ACAD8: variants seen among roughly 807,000 people sequenced by gnomAD.
The protein encoded by ACAD8 is acyl-CoA dehydrogenase family member 8, also known as isobutyryl-CoA dehydrogenase, mitochondrial.
ACAD8 carries 47 observed loss-of-function variants against 53.1 expected under a neutral mutation model. That is an observed-to-expected ratio of 0.89 (90% confidence interval 0.70 to 1.13). The LOEUF (loss-of-function observed/expected upper bound fraction) is 1.13, where lower values mean the gene tolerates loss of function less well. Ranked by LOEUF, ACAD8 falls within the 50% of genes most tolerant of loss-of-function variation. The probability of loss-of-function intolerance (pLI) is 0.00; values close to 1 mark genes in which losing one functional copy is unlikely to be tolerated. For synonymous variants in ACAD8, 198 were observed against 201.3 expected, an observed-to-expected ratio of 0.98 and a Z score of 0.14; for missense variants, 494 against 535.0, an observed-to-expected ratio of 0.92 and a Z score of 0.76.
rs376919619 is a variant in ACAD8, at chr11:134,261,039, G to A, written c.706-5G>A. On this transcript the variant is annotated splice_region_variant and splice_polypyrimidine_tract_variant and intron_variant, in intron 6 of 10. Coordinates refer to ENST00000281182, the MANE Select transcript of ACAD8 (RefSeq NM_014384.3). The surrounding 1 kb of genome is among the most constrained non-coding windows in gnomAD (Gnocchi z 4.2). ...GGCAACCACGCAGTCCCTGATTTTT[G>A]CCAGGTGGGGTGGAACTCCCAGCCA... The A allele has an allele frequency of 3.6e-5, 58 of 1,611,934 alleles. No individual in the cohort carries two copies. Among genetic ancestry groups the A allele is most frequent in the East Asian group, 8.9e-5 (4 of 44,812 alleles).
chr11:134,260,115 G>T, intron 6 of ACAD8: 1 of 1,177,450 alleles, frequency 8.5e-7, no homozygotes, highest in Non-Finnish European at 1.1e-6. Context: ...AATGGAAGGC[G>T]TGTGGTCCCT....
chr11:134,260,917 C>T (rs1308190812), intron 6 of ACAD8, 127 bp from the exon 7 acceptor site: 5 of 1,110,780 alleles, frequency 4.5e-6, no homozygotes, highest in Admixed American at 4.1e-5. Flanking sequence ...TCTTTTTCCT[C>T]ATTTTAAGTT....
At chr11:134,263,670 T>A (rs1271275986) in intron 10 of ACAD8, 2 of 985,370 alleles carry the variant, frequency 2.0e-6, no homozygotes, top group East Asian at 1.1e-4. Context: ...CTCTTGGAAT[T>A]GCTTTCTCAC....
Position 134,259,609 on chromosome 11 carries a change from C to T in ACAD8, c.569C>T (p.Ala190Val), listed in dbSNP as rs1285533961. 6.2e-7 allele frequency: 1 copy of T among 1,614,160 alleles called. No homozygotes were observed. Among genetic ancestry groups the T allele is most frequent in the East Asian group, 2.2e-5 (1 of 44,880 alleles). Residue 190 changes from alanine to valine, a missense_variant and splice_region_variant, in exon 6 of 11, where the codon GCC becomes GTC. By Grantham distance (64) the Ala-to-Val change is moderately conservative (BLOSUM62 0). Transcript: ENST00000281182. Reference sequence around the variant, plus strand: ...TTTGCACCCCTTTTACCCCCACAGGCCTTCATCAGTGGTGCTGGTGAGTCA... The same window carrying T: ...TTTGCACCCCTTTTACCCCCACAGGTCTTCATCAGTGGTGCTGGTGAGTCA... ...GDHYILNGSK[A>V]FISGAGESDI...
At chr11:134,255,069 A>G (rs1207070048) in intron 1 of ACAD8, among the ~76,000 whole-genome samples, 1 of 152,234 alleles carries the variant, frequency 6.6e-6, no homozygotes, top group Non-Finnish European at 1.5e-5. Flanking sequence ...TTACAGAAGA[A>G]GAAGATTTGT....
rs1939844598 is a variant in ACAD8 at position 134,261,089 on chromosome 11, T to C, written c.751T>C (p.Cys251Arg). The C allele has an allele frequency of 6.2e-7, 1 of 1,612,298 alleles. No homozygotes were observed. Residue 251 changes from cysteine (C) to arginine (R), a missense_variant, in exon 7 of 11, where the codon TGT becomes CGT. Physicochemically the swap from Cys to Arg is radical, Grantham distance 180 (BLOSUM62 -3). Transcript: ENST00000281182. This position sits in a 1 kb window ranked among gnomAD's most constrained non-coding sequence, Gnocchi z 4.2. ...QPTRAVIFED[C>R]AVPVANRIGS... The stretch of plus-strand genomic sequence containing the variant: ...AACACGAGCTGTGATCTTCGAAGAC[T>C]GTGCTGTCCCTGTGGCCAACAGAAT...
rs1035628677 is a variant in ACAD8, at chr11:134,259,001, T to C, written c.491-7T>C. ...CTTCTCTCTGCTGCCTTTTGATCCC[T>C]CCTCAGGAAGTGGGAGTGATGCTGC... On this transcript the variant is annotated splice_region_variant and splice_polypyrimidine_tract_variant and intron_variant, in intron 4 of 10. Transcript: ENST00000281182. 16 of 1,613,530 alleles carry C rather than the reference T, an allele frequency of 9.9e-6. No homozygotes were observed. Among genetic ancestry groups the C allele is most frequent in the Non-Finnish European group, 1.2e-5 (14 of 1,179,598 alleles).
intron 3 of ACAD8, 40 bp downstream of exon 3, chr11:134,257,297 T>G (rs1939594752): frequency 1.2e-6 from 2 of 1,607,930 alleles, no homozygotes; most frequent in East Asian, 4.5e-5. Flanking sequence ...AAGTGCTCAC[T>G]CGGGCTGACT....
chr11:134,258,664 A>T (rs1269704285), intron 4 of ACAD8, 40 bp downstream of exon 4: 2 of 1,418,528 alleles, frequency 1.4e-6, no homozygotes, highest in South Asian at 1.2e-5. Context: ...GCAGGGAGAG[A>T]TGCTTCCTGC....
chr11:134,262,227 G>A (rs914816965), intron 9 of ACAD8: 1 of 649,284 alleles, frequency 1.5e-6, no homozygotes, highest in Non-Finnish European at 2.8e-6. Flanking sequence ...GGGAACCATA[G>A]CTTTTTATCA....
chr11:134,256,512 C>A, intron 1 of ACAD8, 36 bp from the exon 2 acceptor site: 3 of 1,570,356 alleles, frequency 1.9e-6, no homozygotes, highest in Non-Finnish European at 2.6e-6. Context: ...CAACACTGAC[C>A]CTGTCCTAGA....
At chr11:134,255,920 T>C (rs1477276947) in intron 1 of ACAD8, among the ~76,000 whole-genome samples, 2 of 152,184 alleles carry the variant, frequency 1.3e-5, no homozygotes, top group East Asian at 3.8e-4. Context: ...TTTTTTCTTC[T>C]TTTGAAACAG....
rs2136083492 is a variant in ACAD8, at chr11:134,261,856, T to C, written c.1058T>C (p.Met353Thr). 4 of 1,614,206 alleles carry C rather than the reference T, an allele frequency of 2.5e-6. No homozygotes were observed. Among genetic ancestry groups the C allele is most frequent in the Non-Finnish European group, 3.4e-6 (4 of 1,180,042 alleles). ...ERKDAVALCS[M>T]AKLFATDECF... ...AAGGATGCAGTGGCCTTGTGCTCCA[T>C]GGCCAAGCTCTTTGCTACAGATGAA... Residue 353 changes from methionine (M) to threonine (T), a missense_variant, in exon 9 of 11, where the codon ATG (methionine) becomes ACG (threonine). Transcript: ENST00000281182. The surrounding 1 kb of genome is among the most constrained non-coding windows in gnomAD (Gnocchi z 4.2).
At chr11:134,260,961 T>C in intron 6 of ACAD8, 83 bp from the exon 7 acceptor site, 1 of 1,538,408 alleles carries the variant, frequency 6.5e-7, no homozygotes, top group Non-Finnish European at 8.9e-7. Context: ...CTGAAACCCA[T>C]ACCTCACAGG....
At chr11:134,263,248 G>A (rs1304992125) in intron 10 of ACAD8, 1 of 1,007,196 alleles carries the variant, frequency 9.9e-7, no homozygotes, top group East Asian at 1.0e-4. Context: ...AGGAGGGGCA[G>A]AGGCTTCTTT....
At chr11:134,258,870 G>A in intron 4 of ACAD8, 138 bp from the exon 5 acceptor site, 3 of 837,834 alleles carry the variant, frequency 3.6e-6, no homozygotes, top group African/African-American at 1.7e-5. Context: ...AGTTCCTTTG[G>A]CCACTTGGGT....
At position 134,256,621 on chromosome 11, in the gene ACAD8, T is replaced by C. The variant is rs778830761; in HGVS notation, c.183T>C (p.Ala61=). ...TTGACTTTGCTGCCCGAGAGATGGC[T>C]CCAAATATGGCAGAGTGGGACCAGA... The part of the protein sequence containing the change: ...VAFDFAAREM[A]PNMAEWDQKE... Residue 61 remains alanine (A), a synonymous_variant, in exon 2 of 11, where the codon GCT becomes GCC. Transcript: ENST00000281182. The C allele has an allele frequency of 9.9e-6, 16 of 1,614,210 alleles. No individual in the cohort carries two copies. The highest frequency in any genetic ancestry group is 1.3e-5 in the Non-Finnish European group (15 of 1,180,038).
At position 134,256,782 on chromosome 11, in the gene ACAD8, A is replaced by T. The variant is rs1939554644; in HGVS notation, c.210+134A>T. On this transcript the variant is annotated intron_variant, in intron 2 of 10. Transcript: ENST00000281182. Reference sequence around the variant, plus strand: ...TCTTACTGCAAGTGAGAATACCGGTAGTGGATGATTTTTCCTAGAAGGCAT... The same window carrying T: ...TCTTACTGCAAGTGAGAATACCGGTTGTGGATGATTTTTCCTAGAAGGCAT... 4 of 820,296 alleles carry T rather than the reference A, an allele frequency of 4.9e-6. No individual in the cohort carries two copies. The East Asian group carries it at 1.1e-4, about 22-fold the overall frequency. The allele number at this position is 820,296 out of a possible 1,614,324, so 50.8% of individuals were successfully genotyped here.
chr11:134,262,066 G>A (rs1939912897), intron 9 of ACAD8, 176 bp downstream of exon 9: 2 of 761,306 alleles, frequency 2.6e-6, no homozygotes, highest in Admixed American at 2.0e-5. Flanking sequence ...TCTCATCGCT[G>A]GCTTTTAGGC....
Sources: gnomAD v4.1 joint callset for allele counts (sites outside exome capture counted in the v4.1 genomes callset) on GRCh38, gnomAD v4.1.1 for gene constraint, Gnocchi (gnomAD v3.1) non-coding constraint, MANE v1.5 for transcripts, NCBI Gene and HGNC (gene_info 2026-07-23, HGNC 2026-07-21) for gene names.